ATP8B4: variants seen among roughly 807,000 people sequenced by gnomAD.
ATP8B4 encodes the protein probable phospholipid-transporting ATPase IM.
ATP8B4 carries 133 observed loss-of-function variants against 145.6 expected under a neutral mutation model. The observed-to-expected ratio is 0.91, with a 90% CI of 0.79 to 1.05. The LOEUF (loss-of-function observed/expected upper bound fraction) is 1.05. Ranked by LOEUF, ATP8B4 falls within the 50% of genes least tolerant of loss-of-function variation. The pLI is 0.00. For synonymous variants in ATP8B4, 507 were observed against 492.9 expected (o/e 1.03, Z -0.38); for missense variants, 1,458 against 1,425.2 (o/e 1.02, Z -0.37).
chr15:50,014,731 T>A (rs1003365810), intron 6 of ATP8B4, among the ~76,000 whole-genome samples: 1 of 152,208 alleles, frequency 6.6e-6, no homozygotes, highest in African/African-American at 2.4e-5. Context: ...TTGCTACATC[T>A]GGCAACACTA....
intron 12 of ATP8B4, 117 bp from the exon 13 acceptor site, chr15:49,972,907 A>G (rs888258860): frequency 2.4e-5 from 23 of 947,096 alleles, no homozygotes; most frequent in Admixed American, 5.3e-5. Flanking sequence ...GAAAATGTGG[A>G]TGCTCTGTCC....
chr15:49,971,505 CA>C (rs1272236667), intron 13 of ATP8B4, among the ~76,000 whole-genome samples: 3 of 151,918 alleles, frequency 2.0e-5, no homozygotes, highest in African/African-American at 4.8e-5. Context: ...ATGTGGCCAG[CA>C]AACATATGAA....
intron 6 of ATP8B4, among the ~76,000 whole-genome samples, chr15:50,020,382 G>A (rs1179677201): frequency 6.7e-6 from 1 of 149,064 alleles, no homozygotes; most frequent in Non-Finnish European, 1.5e-5. Context: ...CAGTTGTCCT[G>A]CCTCAGCCTC....
chr15:50,139,278 C>T (rs1471702016), intron 1 of ATP8B4, among the ~76,000 whole-genome samples: 1 of 152,136 alleles, frequency 6.6e-6, no homozygotes, highest in Non-Finnish European at 1.5e-5. Flanking sequence ...GAGTTCATGT[C>T]CTTTGCAGGG....
chr15:49,947,108 C>A (rs543421084), intron 14 of ATP8B4, among the ~76,000 whole-genome samples: 221 of 152,246 alleles, frequency 1.5e-3, no homozygotes, highest in African/African-American at 5.2e-3. Context: ...GAGCTGGGGG[C>A]TCTCAAAACC....
intron 2 of ATP8B4, among the ~76,000 whole-genome samples, chr15:50,079,883 C>T (rs770087910): frequency 1.3e-5 from 2 of 152,138 alleles, no homozygotes; most frequent in East Asian, 1.9e-4. Flanking sequence ...GCTGCTACAC[C>T]GTATTGCTGG....
intron 10 of ATP8B4, among the ~76,000 whole-genome samples, chr15:49,984,466 A>C (rs1249243652): frequency 6.6e-6 from 1 of 152,194 alleles, no homozygotes; most frequent in Non-Finnish European, 1.5e-5. Context: ...GGCATGTAGC[A>C]AGCAAGCTGT....
chr15:49,876,300 A>T lies in ATP8B4; in HGVS notation c.3005T>A (p.Leu1002Ter), dbSNP rs1232292072. 6.2e-7 allele frequency: 1 copy of T among 1,613,986 alleles called. No individual in the cohort carries two copies. Among genetic ancestry groups the T allele is most frequent in the African/African-American group, 1.3e-5 (1 of 74,938 alleles). ...QSFAVTMATSLVIVVSVQIAL... is the reference protein window; with the variant it reads ...QSFAVTMATS ...TACCTGCACACTGACCACAATGACC[A>T]AAGATGTGGCCATGGTAACTGCAAA... is the stretch of plus-strand genomic sequence containing the variant. Residue 1002 changes from leucine to a stop codon, truncating the protein, a stop_gained, in exon 25 of 28, where the codon TTG (leucine) becomes TAG (stop). Transcript: ENST00000284509. LOFTEE classifies it high-confidence loss of function.
chr15:50,099,466 G>A (rs1600374128), intron 2 of ATP8B4, among the ~76,000 whole-genome samples: 1 of 151,918 alleles, frequency 6.6e-6, no homozygotes, highest in South Asian at 2.1e-4. Flanking sequence ...TTTTGGTAGA[G>A]ACAGGGGTCT....
chr15:50,016,298 T>C (rs902590142), intron 6 of ATP8B4, among the ~76,000 whole-genome samples: 1 of 152,130 alleles, frequency 6.6e-6, no homozygotes, highest in African/African-American at 2.4e-5. Flanking sequence ...GGCTATAGAT[T>C]ATGAAGACAC....
At chr15:49,866,889 CTG>C (rs928359609) in intron 25 of ATP8B4, among the ~76,000 whole-genome samples, 84 of 152,324 alleles carry the variant, frequency 5.5e-4, no homozygotes, top group African/African-American at 1.9e-3. Flanking sequence ...ATTTTATACT[CTG>C]TAAGTAAATT....
chr15:49,953,633 T>C (rs190160876), intron 14 of ATP8B4, among the ~76,000 whole-genome samples: 2 of 152,268 alleles, frequency 1.3e-5, no homozygotes, highest in Admixed American at 1.3e-4. Context: ...GAGCTTAGCA[T>C]GTTAGGCAGT....
At chr15:50,124,443 A>G (rs1246232582) in intron 1 of ATP8B4, among the ~76,000 whole-genome samples, 11 of 152,200 alleles carry the variant, frequency 7.2e-5, no homozygotes, top group Non-Finnish European at 1.6e-4. Flanking sequence ...AAAGAACAAA[A>G]AGAGAATAAG....
intron 9 of ATP8B4, among the ~76,000 whole-genome samples, chr15:49,988,106 T>C (rs947061879): frequency 3.9e-5 from 6 of 152,234 alleles, no homozygotes; most frequent in East Asian, 1.9e-4. Flanking sequence ...AGCTGTTCTA[T>C]GCTTCTTATC....
intron 6 of ATP8B4, among the ~76,000 whole-genome samples, chr15:50,018,732 A>G (rs762193234): frequency 6.6e-6 from 1 of 152,228 alleles, no homozygotes; most frequent in Non-Finnish European, 1.5e-5. Flanking sequence ...AGCTCATCCG[A>G]AAACTATATG....
chr15:49,983,359 C>T lies in ATP8B4; in HGVS notation c.749-2065G>A, dbSNP rs537884658. On this transcript the variant is annotated intron_variant, in intron 10 of 27. Coordinates refer to ENST00000284509, the MANE Select transcript of ATP8B4 (RefSeq NM_024837.4). Reference sequence around the variant, plus strand: ...AGCATCATCACCATCCATCCAGTTGCGAAGGTTGGAAGAAACCTCAGTCAT... The same window carrying T: ...AGCATCATCACCATCCATCCAGTTGTGAAGGTTGGAAGAAACCTCAGTCAT... Among the ~76,000 whole-genome samples the T allele has an allele frequency of 7.0e-4, 107 of 152,258 alleles. 3 individuals carry two copies. In the South Asian group the frequency reaches 0.018, roughly 26 times the overall value.
chr15:49,967,009 CAGA>C (rs2044613744), intron 13 of ATP8B4, among the ~76,000 whole-genome samples: 1 of 152,196 alleles, frequency 6.6e-6, no homozygotes, highest in Admixed American at 6.5e-5. Flanking sequence ...CAAACTCCAG[CAGA>C]CCTGCAGCTG....
chr15:49,862,396 T>C, intron 26 of ATP8B4, 21 bp from the exon 27 acceptor site: 6 of 1,610,502 alleles, frequency 3.7e-6, no homozygotes, highest in South Asian at 1.1e-5. Context: ...TTAAAGAAAA[T>C]ATACACTGTG....
At chr15:50,103,367 C>T (rs1323754800) in intron 2 of ATP8B4, among the ~76,000 whole-genome samples, 1 of 152,092 alleles carries the variant, frequency 6.6e-6, no homozygotes, top group East Asian at 1.9e-4. Flanking sequence ...CCAAAAAGCT[C>T]CTAGAAACGG....
Sources: allele counts gnomAD v4.1 joint callset (sites outside exome capture counted in the v4.1 genomes callset), GRCh38; gene constraint gnomAD v4.1.1; transcripts MANE v1.5; gene names NCBI Gene and HGNC (gene_info 2026-07-23, HGNC 2026-07-21).